Variants in NAAA observed in about 807,000 individuals in gnomAD.
The protein encoded by NAAA is N-acylethanolamine acid amidase, also known as N-acylethanolamine-hydrolyzing acid amidase.
Under a neutral mutation model 44.8 loss-of-function variants are expected in NAAA, and 39 were observed. That is an observed-to-expected ratio of 0.87 (90% CI 0.67 to 1.14). NAAA has a LOEUF of 1.14. NAAA is among the 50% of genes most tolerant of loss of function. The pLI is 0.00. For synonymous variants in NAAA, 178 were observed against 191.3 expected (o/e 0.93, Z 0.58); for missense variants, 460 against 467.8 (o/e 0.98, Z 0.15).
chr4:75,933,132 CAAAA>C (rs59490735), intron 3 of NAAA, among the ~76,000 whole-genome samples: 3 of 123,046 alleles, frequency 2.4e-5, no homozygotes, highest in Non-Finnish European at 3.3e-5. Flanking sequence ...GACTCTGTCT[CAAAA>C]AAAAAAAAAA....
intron 3 of NAAA, among the ~76,000 whole-genome samples, chr4:75,931,960 TG>T (rs1727266812): frequency 6.6e-6 from 1 of 152,244 alleles, no homozygotes; most frequent in Non-Finnish European, 1.5e-5. Flanking sequence ...CCAGGAGCAG[TG>T]GCTCACGCCT....
At chr4:75,915,829 G>A (rs1387082525) in intron 9 of NAAA, among the ~76,000 whole-genome samples, 4 of 152,150 alleles carry the variant, frequency 2.6e-5, no homozygotes, top group African/African-American at 4.8e-5. Flanking sequence ...TACACATTCC[G>A]TATAACAAGA....
At chr4:75,927,208 C>A (rs956750164) in intron 4 of NAAA, among the ~76,000 whole-genome samples, 1 of 152,148 alleles carries the variant, frequency 6.6e-6, no homozygotes, top group Admixed American at 6.5e-5. Flanking sequence ...AATCCCAGCA[C>A]TTTGGGAGAC....
chr4:75,920,048 A>G (rs1441520335), intron 7 of NAAA, 73 bp from the exon 8 acceptor site: 28 of 1,327,618 alleles, frequency 2.1e-5, no homozygotes, highest in Non-Finnish European at 2.7e-5. Flanking sequence ...CATTTTTGGG[A>G]GGCAGAATGC....
Position 75,940,105 on chromosome 4 carries a change from G to C in NAAA, c.267C>G (p.Arg89=). The C allele has an allele frequency of 6.2e-7, 1 of 1,614,154 alleles. No individual in the cohort carries two copies. The highest frequency in any genetic ancestry group is 1.1e-5 in the South Asian group (1 of 91,084). ...CGCCGGTGAAGGGCTGGGGCAGGAA[G>C]CGCTCCAGCTCCAGGACCACTTTTC... ...LIGKVVLELE[R]FLPQPFTGEI... Residue 89 remains arginine, a synonymous_variant, in exon 2 of 11, where the codon CGC becomes CGG. Coordinates refer to ENST00000286733, the MANE Select transcript of NAAA (RefSeq NM_014435.4).
At position 75,936,137 on chromosome 4, in the gene NAAA, ACTGTCAG is replaced by A; in HGVS notation, c.463_469del (p.Leu155TrpfsTer6). On this transcript the variant is annotated frameshift_variant, in exon 3 of 11. Coordinates refer to ENST00000286733, the MANE Select transcript of NAAA (RefSeq NM_014435.4). LOFTEE classifies it high-confidence loss of function. ...CCCATTCTTTAAGAATTGCACATCC[ACTGTCAG>A]CTTGCGTAAGACATTCCCAAAAGGA... 6.2e-7 allele frequency: 1 copy of A among 1,614,086 alleles called. No homozygotes were observed. Among genetic ancestry groups the A allele is most frequent in the Admixed American group, 1.7e-5 (1 of 60,016 alleles).
chr4:75,914,818 A>G, intron 10 of NAAA, 50 bp downstream of exon 10: 1 of 1,365,468 alleles, frequency 7.3e-7, no homozygotes, highest in Non-Finnish European at 1.0e-6. Flanking sequence ...TGTAAGAAAT[A>G]CCAGCACACA....
chr4:75,918,767 T>A lies in NAAA; in HGVS notation c.992A>T (p.Tyr331Phe). The A allele has an allele frequency of 6.2e-7, 1 of 1,613,282 alleles. No homozygotes were observed. The highest frequency in any genetic ancestry group is 8.5e-7 in the Non-Finnish European group (1 of 1,179,394). The change falls in exon 9 of 11, where the codon TAT becomes TTT. Residue 331 changes from tyrosine to phenylalanine, a missense_variant. By Grantham distance (22) the Tyr-to-Phe change is conservative. Transcript: ENST00000286733. ...LFQILSVVPVYNNFTIYTTVM... is the reference protein window; with the variant it reads ...LFQILSVVPVFNNFTIYTTVM... ...TGTTTAACAAGCCACTTACTTGTTATAAACTGGAACCACCGACAAAATCTG... is the reference window on the plus strand; with the variant it reads ...TGTTTAACAAGCCACTTACTTGTTAAAAACTGGAACCACCGACAAAATCTG...
chr4:75,932,423 T>G (rs998447731), intron 3 of NAAA, among the ~76,000 whole-genome samples: 2 of 152,172 alleles, frequency 1.3e-5, no homozygotes, highest in African/African-American at 4.8e-5. Context: ...ATCCCATGAA[T>G]TATAGGCATC....
chr4:75,940,935 G>C lies in NAAA; in HGVS notation c.15C>G (p.Asp5Glu). ...ACGGAAGCCCCGGGCGCGCCTCCCGGTCCGCGGTCCGCATGGCTCGGGCTC... is the reference window on the plus strand; with the variant it reads ...ACGGAAGCCCCGGGCGCGCCTCCCGCTCCGCGGTCCGCATGGCTCGGGCTC... MRTA[D>E]REARPGLPSL... The change falls in exon 1 of 11, where the codon GAC becomes GAG. Residue 5 changes from aspartate (D) to glutamate (E), a missense_variant. By Grantham distance (45) the Asp-to-Glu change is conservative. Coordinates refer to ENST00000286733, the MANE Select transcript of NAAA (RefSeq NM_014435.4). 1.7e-5 allele frequency: 26 copies of C among 1,497,694 alleles called. No individual in the cohort carries two copies. The highest frequency in any genetic ancestry group is 1.8e-5 in the Non-Finnish European group (20 of 1,132,096). 92.8% of individuals were successfully genotyped at this position (1,497,694 alleles called of 1,614,324 possible). A position where few individuals can be genotyped will look rare whatever the true frequency, so the allele number is the denominator to read the frequency against.
At chr4:75,922,461 C>T (rs921516624) in intron 5 of NAAA, among the ~76,000 whole-genome samples, 6 of 152,110 alleles carry the variant, frequency 3.9e-5, no homozygotes, top group African/African-American at 1.4e-4. Flanking sequence ...GGATCCTGCC[C>T]TGTACCTGGA....
intron 5 of NAAA, among the ~76,000 whole-genome samples, chr4:75,922,702 C>G (rs1726286114): frequency 1.3e-5 from 2 of 152,202 alleles, no homozygotes; most frequent in Admixed American, 6.5e-5. Flanking sequence ...AATTTGTATG[C>G]CTTTTCTCCA....
At chr4:75,922,475 A>T (rs529580361) in intron 5 of NAAA, among the ~76,000 whole-genome samples, 2 of 152,284 alleles carry the variant, frequency 1.3e-5, no homozygotes, top group South Asian at 4.1e-4. Flanking sequence ...ACCTGGAAGA[A>T]GGGAATGTAT....
intron 9 of NAAA, chr4:75,917,880 A>G (rs1725778871): frequency 3.4e-6 from 1 of 290,242 alleles, no homozygotes; most frequent in Non-Finnish European, 6.9e-6. Context: ...TCAAGGGTAC[A>G]GGCTAAAAAA....
In NAAA at chr4:75,922,436, TC is replaced by T. The variant is rs540361939; in HGVS notation, c.667-1314del. 1.9e-4 allele frequency among the ~76,000 whole-genome samples: 29 copies of T among 151,326 alleles called. 1 individual carries two copies. The South Asian group carries it at 4.6e-3, about 24-fold the overall frequency. On this transcript the variant is annotated intron_variant, in intron 5 of 10. Transcript: ENST00000286733. ...ACTTGTTTGACTGTAGGTCATATGA[TC>T]CCCTTTCCAGAGAGGATCCTGCCCT...
At chr4:75,936,736 G>A (rs906038774) in intron 2 of NAAA, among the ~76,000 whole-genome samples, 1 of 152,106 alleles carries the variant, frequency 6.6e-6, no homozygotes, top group Non-Finnish European at 1.5e-5. Flanking sequence ...GGCTCTTAAG[G>A]GACTTGGCAC....
At chr4:75,915,173 C>T (rs1473807116) in intron 9 of NAAA, among the ~76,000 whole-genome samples, 188 bp from the exon 10 acceptor site, 1 of 152,068 alleles carries the variant, frequency 6.6e-6, no homozygotes, top group Non-Finnish European at 1.5e-5. Flanking sequence ...CTGTGGAAGG[C>T]CAAGTTGGAA....
At chr4:75,918,897 C>G in intron 8 of NAAA, 108 bp from the exon 9 acceptor site, 5 of 1,053,070 alleles carry the variant, frequency 4.7e-6, no homozygotes, top group Non-Finnish European at 7.2e-6. Flanking sequence ...AATCCCAGCA[C>G]TTTGGGAAGC....
chr4:75,921,042 C>A lies in NAAA; in HGVS notation c.748G>T (p.Val250Phe). 6.2e-7 allele frequency: 1 copy of A among 1,606,410 alleles called. No homozygotes were observed. The highest frequency in any genetic ancestry group is 1.1e-5 in the South Asian group (1 of 89,324). The change falls in exon 6 of 11, where the codon GTT becomes TTT. Residue 250 changes from valine (V) to phenylalanine (F), a missense_variant. By Grantham distance (50) the Val-to-Phe change is conservative (BLOSUM62 -1). Coordinates refer to ENST00000286733, the MANE Select transcript of NAAA (RefSeq NM_014435.4). ...CCCTCCCGGGGGGACGTGCCACCAACAATGTAATAAACATCAGCAATAAGG... is the reference window on the plus strand; with the variant it reads ...CCCTCCCGGGGGGACGTGCCACCAAAAATGTAATAAACATCAGCAATAAGG... ...TPLIADVYYI[V>F]GGTSPREGVV...
Sources: allele counts gnomAD v4.1 joint callset (sites outside exome capture counted in the v4.1 genomes callset), GRCh38; gene constraint gnomAD v4.1.1; transcripts MANE v1.5; gene names NCBI Gene and HGNC (gene_info 2026-07-23, HGNC 2026-07-21).